SLC35F1: variants seen among roughly 807,000 people sequenced by gnomAD.
SLC35F1 encodes chromosome 6 open reading frame 169.
A neutral mutation model predicts 48.7 loss-of-function variants in SLC35F1; 14 were observed. The ratio of observed to expected loss-of-function variants is 0.29; its 90% CI spans 0.19 to 0.45. The LOEUF is 0.45. Among genes scored for constraint, SLC35F1 ranks in the 20% least tolerant of loss-of-function variants. The probability of loss-of-function intolerance (pLI) is 1.00; values close to 1 mark genes in which losing one functional copy is unlikely to be tolerated. For synonymous variants in SLC35F1, 190 were observed against 202.2 expected (o/e 0.94, Z 0.51); for missense variants, 404 against 500.0 (o/e 0.81, Z 1.83).
chr6:118,275,414 G>A (rs568077787), intron 4 of SLC35F1, 45 bp from the exon 5 acceptor site: 3 of 1,571,496 alleles, frequency 1.9e-6, no homozygotes, highest in Admixed American at 3.8e-5. Context: ...TGTTAAGAAA[G>A]TTTTAATGAT....
At chr6:118,024,013 G>A (rs1215593534) in intron 1 of SLC35F1, among the ~76,000 whole-genome samples, 2 of 152,186 alleles carry the variant, frequency 1.3e-5, no homozygotes, top group African/African-American at 2.4e-5. Flanking sequence ...ATTTTGAAGA[G>A]TCTTCTTGAG....
intron 2 of SLC35F1, among the ~76,000 whole-genome samples, chr6:118,227,679 A>C (rs1775236279): frequency 7.2e-6 from 1 of 138,528 alleles, no homozygotes; most frequent in African/African-American, 2.7e-5. Flanking sequence ...TGAGTAATTA[A>C]TTTGTCTCAA....
chr6:118,159,396 A>T (rs999462391), intron 2 of SLC35F1, among the ~76,000 whole-genome samples: 23 of 152,162 alleles, frequency 1.5e-4, no homozygotes, highest in African/African-American at 5.1e-4. Context: ...AATTGTAACC[A>T]CTTTGAGAAG....
At chr6:118,145,399 G>T (rs1301755802) in intron 1 of SLC35F1, among the ~76,000 whole-genome samples, 2 of 152,178 alleles carry the variant, frequency 1.3e-5, no homozygotes, top group South Asian at 2.1e-4. Flanking sequence ...ACTTTGCAAA[G>T]AAATAGTATT....
intron 3 of SLC35F1, among the ~76,000 whole-genome samples, chr6:118,265,807 A>G (rs1442383559): frequency 6.6e-6 from 1 of 152,220 alleles, no homozygotes; most frequent in Non-Finnish European, 1.5e-5. Context: ...ACTTGTTTAG[A>G]ATTCCAGCAA....
At chr6:118,282,136 A>T (rs1435852094) in intron 6 of SLC35F1, among the ~76,000 whole-genome samples, 1 of 152,250 alleles carries the variant, frequency 6.6e-6, no homozygotes, top group Admixed American at 6.5e-5. Flanking sequence ...AAAGTAATTC[A>T]GTTCATTTGT....
At chr6:117,968,320 T>G (rs1776596799) in intron 1 of SLC35F1, among the ~76,000 whole-genome samples, 1 of 152,196 alleles carries the variant, frequency 6.6e-6, no homozygotes, top group Admixed American at 6.5e-5. Flanking sequence ...AACAGTGTAT[T>G]TTATTTGTCT....
At chr6:118,022,946 G>A (rs1391014542) in intron 1 of SLC35F1, among the ~76,000 whole-genome samples, 1 of 151,890 alleles carries the variant, frequency 6.6e-6, no homozygotes, top group African/African-American at 2.4e-5. Context: ...TTTTAGTAGA[G>A]ACGGGGTTTC....
At chr6:117,982,668 T>C (rs1776795509) in intron 1 of SLC35F1, among the ~76,000 whole-genome samples, 1 of 152,166 alleles carries the variant, frequency 6.6e-6, no homozygotes, top group African/African-American at 2.4e-5. Flanking sequence ...GGAAAGTGCT[T>C]CCAACTGGCA....
At chr6:118,274,310 T>G (rs1775893438) in intron 4 of SLC35F1, among the ~76,000 whole-genome samples, 1 of 152,190 alleles carries the variant, frequency 6.6e-6, no homozygotes, top group Admixed American at 6.5e-5. Flanking sequence ...CCATACTTCC[T>G]GGAGTGGGAA....
intron 1 of SLC35F1, among the ~76,000 whole-genome samples, chr6:117,943,444 A>G (rs1776257389): frequency 6.6e-6 from 1 of 152,228 alleles, no homozygotes; most frequent in Non-Finnish European, 1.5e-5. Context: ...ATTGAAAAAA[A>G]CTAACAAATT....
intron 1 of SLC35F1, among the ~76,000 whole-genome samples, chr6:118,060,796 A>C (rs1310849024): frequency 6.6e-6 from 1 of 152,212 alleles, no homozygotes; most frequent in Non-Finnish European, 1.5e-5. Context: ...TAATCCTCAT[A>C]AGACAGGGCT....
chr6:118,211,284 T>C (rs1222542096), intron 2 of SLC35F1, among the ~76,000 whole-genome samples: 2 of 152,216 alleles, frequency 1.3e-5, no homozygotes, highest in Admixed American at 1.3e-4. Flanking sequence ...TCTTCTAAAC[T>C]TCCATTGTCT....
intron 2 of SLC35F1, among the ~76,000 whole-genome samples, chr6:118,226,356 T>C (rs1050896389): frequency 6.6e-6 from 1 of 152,218 alleles, no homozygotes; most frequent in Admixed American, 6.5e-5. Flanking sequence ...AATTCCGCTA[T>C]TGAGTTATGC....
At chr6:118,210,642 A>G (rs1774990463) in intron 2 of SLC35F1, among the ~76,000 whole-genome samples, 2 of 152,062 alleles carry the variant, frequency 1.3e-5, no homozygotes, top group South Asian at 4.1e-4. Context: ...TAAGACATCC[A>G]CCTCAGCTCT....
chr6:117,999,568 G>GA (rs35917912), intron 1 of SLC35F1: 54,600 of 420,340 alleles, frequency 0.13, 251 homozygotes, highest in East Asian at 0.16. Context: ...CCTGAGGCAG[G>GA]AAAAAAAAAA....
chr6:118,100,254 A>T (rs73514599), intron 1 of SLC35F1, among the ~76,000 whole-genome samples: 1 of 152,048 alleles, frequency 6.6e-6, no homozygotes, highest in Non-Finnish European at 1.5e-5. Context: ...GGCATTCTTC[A>T]TACACCTCAA....
Position 118,052,167 on chromosome 6 carries a change from C to T in SLC35F1, c.174-102278C>T, listed in dbSNP as rs1363526205. ...CAGATATGATGGTCAAAAATAACAA[C>T]CTGCAGCCACCCCTTCCCAACCCCT... On this transcript the variant is annotated intron_variant, in intron 1 of 7. Transcript: ENST00000360388. 3.3e-5 allele frequency among the ~76,000 whole-genome samples: 5 copies of T among 152,166 alleles called. No individual in the cohort carries two copies. The South Asian group carries it at 1.0e-3, about 31-fold the overall frequency.
intron 7 of SLC35F1, among the ~76,000 whole-genome samples, chr6:118,292,738 T>C (rs1397524376): frequency 1.3e-5 from 2 of 151,524 alleles, no homozygotes; most frequent in African/African-American, 4.8e-5. Context: ...TCCTTTTCCC[T>C]CCCATCATTC....
Sources: gnomAD v4.1 joint callset for allele counts (sites outside exome capture counted in the v4.1 genomes callset) on GRCh38, gnomAD v4.1.1 for gene constraint, MANE v1.5 for transcripts, NCBI Gene and HGNC (gene_info 2026-07-23, HGNC 2026-07-21) for gene names.